The following VPS13A variants were observed in gnomAD, a reference collection of about 807,000 sequenced individuals.
The protein encoded by VPS13A is vacuolar protein sorting 13 homolog A, also known as intermembrane lipid transfer protein VPS13A.
A neutral mutation model predicts 390.9 loss-of-function variants in VPS13A; 264 were observed. The ratio of observed to expected loss-of-function variants is 0.68; its 90% CI spans 0.61 to 0.75. The LOEUF is 0.75. Among genes scored for constraint, VPS13A ranks in the 30% least tolerant of loss-of-function variants. VPS13A has a pLI of 0.00. For synonymous variants in VPS13A, 1,231 were observed against 1,227.1 expected (o/e 1.00, Z -0.07); for missense variants, 3,409 against 3,733.9 (o/e 0.91, Z 2.27).
intron 69 of VPS13A, among the ~76,000 whole-genome samples, chr9:77,405,503 C>CCCATTGAGCATTA (rs1232410940): frequency 6.6e-6 from 1 of 152,072 alleles, no homozygotes; most frequent in Admixed American, 6.6e-5. Flanking sequence ...TTATAAATTT[C>CCCATTGAGCATTA]CCATTGAGCA....
chr9:77,321,542 G>A lies in VPS13A; in HGVS notation c.5626G>A (p.Ala1876Thr), dbSNP rs779937703. Residue 1876 changes from alanine to threonine, a missense_variant, in exon 44 of 72, where the codon GCA (alanine) becomes ACA (threonine). Physicochemically the swap from Ala to Thr is moderately conservative, Grantham distance 58. This residue lies in a region of VPS13A where 2,717 missense variants were observed against 2,917.4 expected (regional missense o/e 0.93). Coordinates refer to ENST00000360280, the MANE Select transcript of VPS13A (RefSeq NM_033305.3). ...TTCAGCTGACTTCGTAAAGGATCTA[G>A]CACCATTTATGATTTTAAATTCCCT... ...GSSADFVKDLAPFMILNSLGL... is the reference protein window; with the variant it reads ...GSSADFVKDLTPFMILNSLGL... 1.2e-6 allele frequency: 2 copies of A among 1,613,464 alleles called. No individual in the cohort carries two copies. The highest frequency in any genetic ancestry group is 2.2e-5 in the East Asian group (1 of 44,828).
intron 19 of VPS13A, among the ~76,000 whole-genome samples, chr9:77,241,337 T>A (rs1157525298): frequency 6.6e-6 from 1 of 152,150 alleles, no homozygotes; most frequent in Non-Finnish European, 1.5e-5. Flanking sequence ...ATTTCAGTGA[T>A]TATATTTTTC....
intron 17 of VPS13A, among the ~76,000 whole-genome samples, chr9:77,235,092 A>T (rs554419717): frequency 6.6e-6 from 1 of 152,222 alleles, no homozygotes; most frequent in Non-Finnish European, 1.5e-5. Flanking sequence ...CCAAAAATGC[A>T]ATATTACTGG....
chr9:77,311,430 A>G (rs1343340855), intron 35 of VPS13A, among the ~76,000 whole-genome samples: 2 of 152,162 alleles, frequency 1.3e-5, no homozygotes, highest in African/African-American at 4.8e-5. Context: ...CCTTAAGACC[A>G]TGAAAATATC....
chr9:77,280,124 C>T lies in VPS13A; in HGVS notation c.2825-35C>T, dbSNP rs368795395. 5.3e-4 allele frequency: 792 copies of T among 1,483,106 alleles called. 1 individual carries two copies. Among genetic ancestry groups the T allele is most frequent in the Non-Finnish European group, 7.1e-4 (762 of 1,074,878 alleles). The allele number at this position is 1,483,106 out of a possible 1,614,324, so 91.9% of individuals were successfully genotyped here. ...TTGCATTTATTTTCAGTTACCTTTC[C>T]GATGAAAAGATAATTTTTAAAAAAT... On this transcript the variant is annotated intron_variant, in intron 26 of 71. Coordinates refer to ENST00000360280, the MANE Select transcript of VPS13A (RefSeq NM_033305.3).
intron 67 of VPS13A, among the ~76,000 whole-genome samples, chr9:77,376,756 A>G (rs536362604): frequency 2.0e-5 from 3 of 152,286 alleles, no homozygotes; most frequent in Admixed American, 6.5e-5. Flanking sequence ...AGCTAGAGGT[A>G]AAAATTCAAG....
chr9:77,251,694 C>G (rs1276304969), intron 21 of VPS13A, among the ~76,000 whole-genome samples: 3 of 152,012 alleles, frequency 2.0e-5, no homozygotes, highest in Admixed American at 1.3e-4. Flanking sequence ...TGGCTATGGT[C>G]TCAGTTATTT....
At chr9:77,269,449 T>C (rs910446854) in intron 23 of VPS13A, among the ~76,000 whole-genome samples, 2 of 152,250 alleles carry the variant, frequency 1.3e-5, no homozygotes, top group African/African-American at 4.8e-5. Flanking sequence ...AATTATACTA[T>C]AACTTCATGT....
Position 77,307,965 on chromosome 9 carries a change from T to C in VPS13A, c.3981T>C (p.Asp1327=). The change falls in exon 35 of 72, where the codon GAT becomes GAC. Residue 1327 remains aspartate (D), a synonymous_variant. Transcript: ENST00000360280. ...AACAGTTCATTCTTAGTCAAGAAGA[T>C]ATAACAACTATTTTTAAAACATTGC... ...KPMEFILSQE[D]ITTIFKTLHG... The C allele has an allele frequency of 6.3e-7, 1 of 1,593,070 alleles. No homozygotes were observed. The highest frequency in any genetic ancestry group is 8.6e-7 in the Non-Finnish European group (1 of 1,161,026).
At chr9:77,314,816 T>G in intron 37 of VPS13A, 152 bp downstream of exon 37, 1 of 720,128 alleles carries the variant, frequency 1.4e-6, no homozygotes, top group Non-Finnish European at 2.3e-6. Context: ...CGGTTAACAT[T>G]TAAAATGTCC....
chr9:77,410,245 T>G (rs915873884), intron 71 of VPS13A, among the ~76,000 whole-genome samples: 2 of 152,092 alleles, frequency 1.3e-5, no homozygotes, highest in Non-Finnish European at 2.9e-5. Flanking sequence ...AGGCAAATGC[T>G]GAGAGATTTT....
chr9:77,407,389 C>CTTCCTCATTCTTGTCTTTTTTA, intron 70 of VPS13A, 144 bp from the exon 71 acceptor site: 1 of 606,130 alleles, frequency 1.6e-6, no homozygotes, highest in Non-Finnish European at 2.9e-6. Flanking sequence ...ATTCTTCTTG[C>CTTCCTCATTCTTGTCTTTTTTA]TTCCTCATTC....
Position 77,236,774 on chromosome 9 carries a change from C to T in VPS13A, c.1596-1228C>T, listed in dbSNP as rs12377617. On this transcript the variant is annotated intron_variant, in intron 17 of 71. Transcript: ENST00000360280. ...ACATAAAGAGGAGAATGCCATGTGACGATATCTTCTTAGCTGCGCCCATAT... is the reference window on the plus strand; with the variant it reads ...ACATAAAGAGGAGAATGCCATGTGATGATATCTTCTTAGCTGCGCCCATAT... Among the ~76,000 whole-genome samples the T allele has an allele frequency of 8.6e-3, 1,314 of 152,292 alleles. 16 individuals carry two copies. The highest frequency in any genetic ancestry group is 0.013 in the Non-Finnish European group (891 of 68,038).
intron 52 of VPS13A, among the ~76,000 whole-genome samples, chr9:77,346,255 C>G (rs1255166196): frequency 6.6e-6 from 1 of 151,894 alleles, no homozygotes; most frequent in Non-Finnish European, 1.5e-5. Context: ...ATTTGCATTT[C>G]CCTCATAATT....
At chr9:77,186,706 G>T (rs1824360587) in intron 1 of VPS13A, among the ~76,000 whole-genome samples, 1 of 152,126 alleles carries the variant, frequency 6.6e-6, no homozygotes, top group Non-Finnish European at 1.5e-5. Context: ...AAAGTGCTGG[G>T]ATTACAGGTG....
chr9:77,318,526 C>T lies in VPS13A; in HGVS notation c.5248C>T (p.Arg1750Cys), dbSNP rs149067717. 11 of 1,613,884 alleles carry T rather than the reference C, an allele frequency of 6.8e-6. 1 individual carries two copies. The highest frequency in any genetic ancestry group is 5.3e-5 in the African/African-American group (4 of 75,018). The change falls in exon 41 of 72, where the codon CGT becomes TGT. Residue 1750 changes from arginine (R) to cysteine (C), a missense_variant. Around this residue, in one of 5 missense-constraint regions of VPS13A, gnomAD observed 2,717 missense variants for 2,917.4 expected, o/e 0.93. Transcript: ENST00000360280. Reference sequence around the variant, plus strand: ...AGTACCTATGCTTCTGGCAAAGTCACGTTTTTCAGGGGAAGGCAAAAACTG... The same window carrying T: ...AGTACCTATGCTTCTGGCAAAGTCATGTTTTTCAGGGGAAGGCAAAAACTG... ...RTVPMLLAKS[R>C]FSGEGKNWSS... is the part of the protein sequence containing the mutation.
At chr9:77,248,425 A>G (rs766061788) in intron 20 of VPS13A, among the ~76,000 whole-genome samples, 4 of 151,640 alleles carry the variant, frequency 2.6e-5, no homozygotes, top group Non-Finnish European at 5.9e-5. Flanking sequence ...TCACCATGTT[A>G]GCCAGGATGG....
At chr9:77,358,507 A>C (rs1831945698) in intron 57 of VPS13A, 69 bp downstream of exon 57, 2 of 1,323,970 alleles carry the variant, frequency 1.5e-6, no homozygotes, top group East Asian at 4.7e-5. Flanking sequence ...TACTATAAAA[A>C]TATGAAGTGA....
rs183468743 is a variant in VPS13A, at chr9:77,210,199, T to G, written c.496-417T>G. Among the ~76,000 whole-genome samples the G allele has an allele frequency of 2.6e-3, 328 of 126,774 alleles. 3 individuals carry two copies. The highest frequency in any genetic ancestry group is 9.9e-3 in the African/African-American group (307 of 30,928). 83.2% of individuals were successfully genotyped at this position (126,774 alleles called of 152,430 possible). A position where few individuals can be genotyped will look rare whatever the true frequency, so the allele number is the denominator to read the frequency against. ...TCTCTCTCTCTTTCTCTTTCTCTCT[T>G]TCTTTCTCTTCTCCTCTTCTCTCCC... On this transcript the variant is annotated intron_variant, in intron 6 of 71. Transcript: ENST00000360280.
Sources: allele counts gnomAD v4.1 joint callset (sites outside exome capture counted in the v4.1 genomes callset), GRCh38; gene constraint gnomAD v4.1.1; regional missense constraint gnomAD v4.1.1; transcripts MANE v1.5; gene names NCBI Gene and HGNC (gene_info 2026-07-23, HGNC 2026-07-21).